NRG3: variants seen among roughly 807,000 people sequenced by gnomAD.
NRG3 encodes pro-neuregulin-3, membrane-bound isoform.
Under a neutral mutation model 66.9 loss-of-function variants are expected in NRG3, and 31 were observed. The ratio of observed to expected loss-of-function variants is 0.46; its 90% CI spans 0.35 to 0.63. The LOEUF (loss-of-function observed/expected upper bound fraction) is 0.63, where lower values mean the gene tolerates loss of function less well. NRG3 is among the 20% of genes least tolerant of loss of function. NRG3 has a pLI of 0.00. For synonymous variants in NRG3, 393 were observed against 359.4 expected (o/e 1.09, Z -1.06); for missense variants, 910 against 878.9 (o/e 1.04, Z -0.45).
At chr10:82,116,421 G>T (rs2067720973) in intron 1 of NRG3, among the ~76,000 whole-genome samples, 1 of 152,098 alleles carries the variant, frequency 6.6e-6, no homozygotes, top group Admixed American at 6.6e-5. Flanking sequence ...AATAGGAAGT[G>T]CTATGTATCA....
intron 1 of NRG3, among the ~76,000 whole-genome samples, chr10:81,906,247 C>T (rs528466142): frequency 9.1e-4 from 138 of 152,020 alleles, no homozygotes; most frequent in African/African-American, 3.1e-3. Flanking sequence ...TCATTGGAAA[C>T]GAAAATTTCA....
chr10:82,156,996 G>T (rs2071240008), intron 1 of NRG3, among the ~76,000 whole-genome samples: 1 of 151,554 alleles, frequency 6.6e-6, no homozygotes. Flanking sequence ...CATTGCATCG[G>T]CAGGAATCCC....
intron 1 of NRG3, among the ~76,000 whole-genome samples, chr10:82,134,406 C>T (rs576661754): frequency 1.3e-5 from 2 of 152,176 alleles, no homozygotes; most frequent in East Asian, 1.9e-4. Context: ...TATATTTACA[C>T]CTTTAATCCA....
At chr10:82,630,355 CTTTT>C (rs5786556) in intron 2 of NRG3, among the ~76,000 whole-genome samples, 3 of 133,716 alleles carry the variant, frequency 2.2e-5, no homozygotes, top group Admixed American at 7.4e-5. Context: ...ATATGGTTTT[CTTTT>C]TTTTTTTTTT....
chr10:82,473,000 C>T (rs1841419639), intron 2 of NRG3, among the ~76,000 whole-genome samples: 1 of 152,162 alleles, frequency 6.6e-6, no homozygotes, highest in South Asian at 2.1e-4. Flanking sequence ...AGCTGATGCA[C>T]AGTGCCTGCT....
intron 2 of NRG3, among the ~76,000 whole-genome samples, chr10:82,622,706 A>AAAC (rs1212467402): frequency 6.6e-6 from 1 of 152,216 alleles, no homozygotes; most frequent in Non-Finnish European, 1.5e-5. Flanking sequence ...TCTCAAGGGT[A>AAAC]AACAACTGAC....
At chr10:81,925,364 T>C (rs1846664750) in intron 1 of NRG3, among the ~76,000 whole-genome samples, 1 of 152,194 alleles carries the variant, frequency 6.6e-6, no homozygotes, top group African/African-American at 2.4e-5. Flanking sequence ...TGATCACCTG[T>C]ATACAGTTCC....
intron 3 of NRG3, among the ~76,000 whole-genome samples, chr10:82,838,878 C>T (rs1357412816): frequency 6.6e-6 from 1 of 152,090 alleles, no homozygotes; most frequent in Non-Finnish European, 1.5e-5. Context: ...CTCACAGTTC[C>T]ACATGGCTGG....
chr10:82,003,710 G>C (rs138726512), intron 1 of NRG3, among the ~76,000 whole-genome samples: 1 of 152,306 alleles, frequency 6.6e-6, no homozygotes, highest in Non-Finnish European at 1.5e-5. Flanking sequence ...CAGAGTGGCT[G>C]CTGCTGTTGA....
At chr10:82,448,307 G>A (rs779895531) in intron 2 of NRG3, among the ~76,000 whole-genome samples, 4 of 152,122 alleles carry the variant, frequency 2.6e-5, no homozygotes, top group Non-Finnish European at 4.4e-5. Context: ...TAGAAAAATT[G>A]GGATTTAACA....
chr10:82,654,395 A>G (rs576348163), intron 2 of NRG3, among the ~76,000 whole-genome samples: 1 of 152,364 alleles, frequency 6.6e-6, no homozygotes, highest in East Asian at 1.9e-4. Flanking sequence ...GCAGGAATAT[A>G]AACCTTGGGT....
At chr10:82,265,474 A>G (rs1438132445) in intron 1 of NRG3, among the ~76,000 whole-genome samples, 1 of 152,228 alleles carries the variant, frequency 6.6e-6, no homozygotes, top group Non-Finnish European at 1.5e-5. Context: ...AGAAACAACT[A>G]AAGTGACAGT....
chr10:82,021,203 G>A (rs1333127639), intron 1 of NRG3, among the ~76,000 whole-genome samples: 1 of 152,040 alleles, frequency 6.6e-6, no homozygotes, highest in East Asian at 1.9e-4. Context: ...AATCGATTTA[G>A]GAGTGCAGCA....
intron 1 of NRG3, among the ~76,000 whole-genome samples, chr10:81,916,053 A>G (rs902764163): frequency 6.6e-6 from 1 of 152,238 alleles, no homozygotes; most frequent in Non-Finnish European, 1.5e-5. Context: ...CAACATAAAA[A>G]TTAATGAAAT....
chr10:82,520,429 C>G (rs1276676731), intron 2 of NRG3, among the ~76,000 whole-genome samples: 1 of 151,962 alleles, frequency 6.6e-6, no homozygotes, highest in Non-Finnish European at 1.5e-5. Context: ...CACATACACA[C>G]AAAACCCTCA....
intron 2 of NRG3, among the ~76,000 whole-genome samples, chr10:82,700,329 C>T (rs2055765711): frequency 6.6e-6 from 1 of 152,108 alleles, no homozygotes; most frequent in Non-Finnish European, 1.5e-5. Flanking sequence ...GTTTGGAAAG[C>T]ACCTATACCA....
intron 1 of NRG3, among the ~76,000 whole-genome samples, chr10:82,271,871 A>G: frequency 6.6e-6 from 1 of 152,136 alleles, no homozygotes. Flanking sequence ...ATGTTATTAA[A>G]TACCTTGAAA....
At chr10:82,171,552 G>C (rs1274232888) in intron 1 of NRG3, among the ~76,000 whole-genome samples, 1 of 152,120 alleles carries the variant, frequency 6.6e-6, no homozygotes, top group Non-Finnish European at 1.5e-5. Context: ...TCCTTCATCA[G>C]AGCAGGTTAA....
intron 6 of NRG3, among the ~76,000 whole-genome samples, chr10:82,964,191 G>A (rs1275733430): frequency 1.3e-5 from 2 of 152,148 alleles, no homozygotes; most frequent in Non-Finnish European, 2.9e-5. Context: ...CAAAAAATGA[G>A]AAAGCTGCTT....
Sources: allele counts gnomAD v4.1 joint callset (sites outside exome capture counted in the v4.1 genomes callset), GRCh38; gene constraint gnomAD v4.1.1; transcripts MANE v1.5; gene names NCBI Gene and HGNC (gene_info 2026-07-23, HGNC 2026-07-21).